The following PDIA3 variants were observed in gnomAD, a reference collection of about 807,000 sequenced individuals.
PDIA3 encodes protein disulfide-isomerase A3.
PDIA3 carries 16 observed loss-of-function variants against 56.9 expected under a neutral mutation model. The ratio of observed to expected loss-of-function variants is 0.28; its 90% CI spans 0.19 to 0.43. The LOEUF (loss-of-function observed/expected upper bound fraction) is 0.43. PDIA3 is among the 20% of genes least tolerant of loss of function. The pLI is 1.00. For missense variants in PDIA3, 485 were observed against 621.3 expected, an observed-to-expected ratio of 0.78 and a Z score of 2.33; for synonymous variants, 192 against 216.5, an observed-to-expected ratio of 0.89 and a Z score of 0.99.
intron 9 of PDIA3, among the ~76,000 whole-genome samples, chr15:43,768,814 G>C (rs1045924189): frequency 6.6e-6 from 1 of 152,016 alleles, no homozygotes; most frequent in Non-Finnish European, 1.5e-5. Flanking sequence ...ACAAGGTCAA[G>C]AGTTTGAGAC....
intron 1 of PDIA3, 94 bp downstream of exon 1, chr15:43,746,800 C>G (rs1475913278): frequency 1.4e-6 from 2 of 1,391,260 alleles, no homozygotes; most frequent in Non-Finnish European, 2.0e-6. Context: ...CGCCGGGGCC[C>G]TTCATTCCTG....
chr15:43,746,816 C>G (rs1398512604), intron 1 of PDIA3, 110 bp downstream of exon 1: 9 of 1,223,894 alleles, frequency 7.4e-6, no homozygotes, highest in Non-Finnish European at 1.1e-5. Context: ...TCCTGTGGGC[C>G]CCTGCTGCGG....
chr15:43,766,707 A>G (rs1191647867), intron 7 of PDIA3, 21 bp from the exon 8 acceptor site: 2 of 1,610,968 alleles, frequency 1.2e-6, no homozygotes, highest in Non-Finnish European at 1.7e-6. Flanking sequence ...TCTTGGCACA[A>G]ATGTCTCTTG....
At position 43,771,873 on chromosome 15, in the gene PDIA3, T is replaced by C. The variant is rs192515564; in HGVS notation, c.*655T>C. 1 of 361,790 alleles carries C rather than the reference T, an allele frequency of 2.8e-6. No individual in the cohort carries two copies. Among genetic ancestry groups the C allele is most frequent in the Non-Finnish European group, 4.9e-6 (1 of 202,928 alleles). The allele number at this position is 361,790 out of a possible 1,614,324, so 22.4% of individuals were successfully genotyped here. A position where few individuals can be genotyped will look rare whatever the true frequency, so the allele number is the denominator to read the frequency against. ...GATTAGAACAGCTGAAGGGCCTTTCTTGTTAGGCTGTCCATGCCCTAAGGA... is the reference window on the plus strand; with the variant it reads ...GATTAGAACAGCTGAAGGGCCTTTCCTGTTAGGCTGTCCATGCCCTAAGGA... On this transcript the variant is annotated 3_prime_UTR_variant, in exon 13 of 13. Coordinates refer to ENST00000300289, the MANE Select transcript of PDIA3 (RefSeq NM_005313.5).
intron 1 of PDIA3, chr15:43,752,869 G>A (rs1217083670): frequency 8.5e-6 from 4 of 471,024 alleles, no homozygotes; most frequent in African/African-American, 8.0e-5. Flanking sequence ...GTGATGTACA[G>A]CTGGTGCTAG....
At position 43,761,592 on chromosome 15, in the gene PDIA3, T is replaced by C; in HGVS notation, c.472+61T>C. ...TCAGTTTGGTTTCCAAAACCCTCCA[T>C]GTCTGGGAAAACCACAGAATTAAAG... On this transcript the variant is annotated intron_variant, in intron 4 of 12. Transcript: ENST00000300289. 4 of 904,666 alleles carry C rather than the reference T, an allele frequency of 4.4e-6. No individual in the cohort carries two copies. In the South Asian group the frequency reaches 5.8e-5, roughly 13 times the overall value. 56.0% of individuals were successfully genotyped at this position (904,666 alleles called of 1,614,324 possible). A position where few individuals can be genotyped will look rare whatever the true frequency, so the allele number is the denominator to read the frequency against.
At position 43,766,855 on chromosome 15, in the gene PDIA3, G is replaced by A; in HGVS notation, c.973G>A (p.Val325Ile). 6.2e-7 allele frequency: 1 copy of A among 1,614,038 alleles called. No individual in the cohort carries two copies. Among genetic ancestry groups the A allele is most frequent in the East Asian group, 2.2e-5 (1 of 44,884 alleles). ...GLESTAGEIP[V>I]VAIRTAKGEK... is the part of the protein sequence containing the mutation. ...GGAGAGCACTGCTGGAGAGATTCCT[G>A]TTGTTGCTATCAGAACTGCTAAAGG... The change falls in exon 8 of 13, where the codon GTT (valine) becomes ATT (isoleucine). Residue 325 changes from valine (V) to isoleucine (I), a missense_variant. Val to Ile is a conservative substitution (Grantham distance 29, BLOSUM62 3). Transcript: ENST00000300289.
chr15:43,751,192 T>G (rs2086742061), intron 1 of PDIA3, among the ~76,000 whole-genome samples: 1 of 151,700 alleles, frequency 6.6e-6, no homozygotes, highest in Non-Finnish European at 1.5e-5. Flanking sequence ...CCACCCCGAG[T>G]TGATCTTTTC....
chr15:43,756,793 A>G, intron 3 of PDIA3, 27 bp downstream of exon 3: 1 of 1,172,608 alleles, frequency 8.5e-7, no homozygotes, highest in Non-Finnish European at 1.3e-6. Context: ...ACATTCTGGA[A>G]ACTGATGTTA....
At position 43,773,155 on chromosome 15, in the gene PDIA3, A is replaced by T; in HGVS notation, c.*1937A>T. On this transcript the variant is annotated 3_prime_UTR_variant, in exon 13 of 13. Coordinates refer to ENST00000300289, the MANE Select transcript of PDIA3 (RefSeq NM_005313.5). ...TCTTTTCCTCAAACTCCAGGATGAG[A>T]CCTTTAATGTGGGACAATTTCTGGT... 1 of 1,613,544 alleles carries T rather than the reference A, an allele frequency of 6.2e-7. No individual in the cohort carries two copies. The highest frequency in any genetic ancestry group is 1.3e-5 in the African/African-American group (1 of 74,974).
chr15:43,772,779 T>A lies in PDIA3; in HGVS notation c.*1561T>A, dbSNP rs1337437011. 1.1e-5 allele frequency: 2 copies of A among 188,688 alleles called. No homozygotes were observed. Among genetic ancestry groups the A allele is most frequent in the African/African-American group, 4.7e-5 (2 of 42,942 alleles). The allele number at this position is 188,688 out of a possible 1,614,324, so 11.7% of individuals were successfully genotyped here. A position where few individuals can be genotyped will look rare whatever the true frequency, so the allele number is the denominator to read the frequency against. On this transcript the variant is annotated 3_prime_UTR_variant, in exon 13 of 13. Transcript: ENST00000300289. ...AGAGGCTACCAGGCTAAAATTCACT[T>A]AGTTTGGTTTGTCTAATGTCCTCAT...
chr15:43,763,130 A>G lies in PDIA3; in HGVS notation c.526A>G (p.Ser176Gly). The change falls in exon 5 of 13, where the codon AGC (serine) becomes GGC (glycine). Residue 176 changes from serine (S) to glycine (G), a missense_variant. Transcript: ENST00000300289. ...TCACTCCGAGTTCCTAAAAGCAGCC[A>G]GCAACTTGAGGGATAACTACCGATT... ...EAHSEFLKAA[S>G]NLRDNYRFAH... 1.2e-6 allele frequency: 2 copies of G among 1,614,186 alleles called. No individual in the cohort carries two copies. The highest frequency in any genetic ancestry group is 2.2e-5 in the South Asian group (2 of 91,082).
rs779898857 is a variant in PDIA3 at position 43,746,637 on chromosome 15, A to G, written c.98A>G (p.Asp33Gly). Residue 33 changes from aspartate to glycine, a missense_variant, in exon 1 of 13, where the codon GAC becomes GGC. By Grantham distance (94) the Asp-to-Gly change is moderately conservative (BLOSUM62 -1). Transcript: ENST00000300289. ...AASDVLELTD[D>G]NFESRISDTG... ...TCCGACGTGCTAGAACTCACGGACG[A>G]CAACTTCGAGAGTCGCATCTCCGAC... The G allele has an allele frequency of 6.2e-7, 1 of 1,612,904 alleles. No homozygotes were observed. Among genetic ancestry groups the G allele is most frequent in the Non-Finnish European group, 8.5e-7 (1 of 1,179,890 alleles).
At position 43,756,761 on chromosome 15, in the gene PDIA3, C is replaced by G. The variant is rs1186191323; in HGVS notation, c.359C>G (p.Thr120Ser). The G allele has an allele frequency of 4.6e-6, 7 of 1,531,878 alleles. No individual in the cohort carries two copies. In the South Asian group the frequency reaches 6.8e-5, roughly 15 times the overall value. The allele number at this position is 1,531,878 out of a possible 1,614,324, so 94.9% of individuals were successfully genotyped here. The part of the protein sequence containing the change: ...EEAGAYDGPR[T>S]ADGIVSHLKK... ...GCAGGTGCTTATGATGGACCTAGGACTGCTGGTAAGGATCCTGAATTACAT... is the reference window on the plus strand; with the variant it reads ...GCAGGTGCTTATGATGGACCTAGGAGTGCTGGTAAGGATCCTGAATTACAT... Residue 120 changes from threonine (T) to serine (S), a missense_variant, in exon 3 of 13, where the codon ACT becomes AGT. By Grantham distance (58) the Thr-to-Ser change is moderately conservative. Coordinates refer to ENST00000300289, the MANE Select transcript of PDIA3 (RefSeq NM_005313.5).
chr15:43,763,402 G>A (rs752668223), intron 5 of PDIA3, among the ~76,000 whole-genome samples, 196 bp downstream of exon 5: 1 of 152,056 alleles, frequency 6.6e-6, no homozygotes, highest in Non-Finnish European at 1.5e-5. Flanking sequence ...ACAGGCACGC[G>A]CCACCACACC....
At chr15:43,768,111 G>A (rs929822399) in intron 8 of PDIA3, among the ~76,000 whole-genome samples, 1 of 152,070 alleles carries the variant, frequency 6.6e-6, no homozygotes, top group East Asian at 1.9e-4. Context: ...TGAAGACCCC[G>A]GAAACAATTT....
intron 5 of PDIA3, 35 bp from the exon 6 acceptor site, chr15:43,765,415 T>C (rs1297981922): frequency 4.3e-6 from 5 of 1,160,162 alleles, no homozygotes; most frequent in Non-Finnish European, 6.4e-6. Flanking sequence ...TCTTCTGCTA[T>C]CTGCCTACTG....
rs1229576562 is a variant in PDIA3 at position 43,772,116 on chromosome 15, G to C, written c.*898G>C. ...CCCTTCAGTAGAACTGGGAAAGGCAGTACCATTCCTAGTTATGAGTGAAGC... is the reference window on the plus strand; with the variant it reads ...CCCTTCAGTAGAACTGGGAAAGGCACTACCATTCCTAGTTATGAGTGAAGC... On this transcript the variant is annotated 3_prime_UTR_variant, in exon 13 of 13. Coordinates refer to ENST00000300289, the MANE Select transcript of PDIA3 (RefSeq NM_005313.5). The C allele has an allele frequency of 6.5e-6, 1 of 153,230 alleles. No homozygotes were observed. Among genetic ancestry groups the C allele is most frequent in the South Asian group, 2.1e-4 (1 of 4,834 alleles). The allele number at this position is 153,230 out of a possible 1,614,324, so 9.5% of individuals were successfully genotyped here. A position where few individuals can be genotyped will look rare whatever the true frequency, so the allele number is the denominator to read the frequency against.
intron 3 of PDIA3, among the ~76,000 whole-genome samples, chr15:43,760,879 A>C (rs1025471446): frequency 6.6e-6 from 1 of 151,902 alleles, no homozygotes; most frequent in Non-Finnish European, 1.5e-5. Context: ...CTGTAATAAA[A>C]GGTTGAGGTA....
Sources: gnomAD v4.1 joint callset for allele counts (sites outside exome capture counted in the v4.1 genomes callset) on GRCh38, gnomAD v4.1.1 for gene constraint, MANE v1.5 for transcripts, NCBI Gene and HGNC (gene_info 2026-07-23, HGNC 2026-07-21) for gene names.